The following RASIP1 variants were observed in gnomAD, a reference collection of about 807,000 sequenced individuals.
RASIP1 encodes ras-interacting protein 1.
RASIP1 carries 20 observed loss-of-function variants against 85.3 expected under a neutral mutation model. The ratio of observed to expected loss-of-function variants is 0.23; its 90% CI spans 0.17 to 0.34. The LOEUF (loss-of-function observed/expected upper bound fraction) is 0.34. Among genes scored for constraint, RASIP1 ranks in the 10% least tolerant of loss-of-function variants. The pLI is 1.00. For missense variants in RASIP1, 1,170 were observed against 1,390.9 expected (o/e 0.84, Z 2.53); for synonymous variants, 617 against 647.1 (o/e 0.95, Z 0.71).
At chr19:48,734,613 G>C (rs2033534924) in intron 4 of RASIP1, among the ~76,000 whole-genome samples, 1 of 151,588 alleles carries the variant, frequency 6.6e-6, no homozygotes, top group Non-Finnish European at 1.5e-5. Flanking sequence ...TCAGCCTCCT[G>C]AGTAGCTGGG....
chr19:48,730,463 G>A (rs2033435819), intron 4 of RASIP1, among the ~76,000 whole-genome samples: 1 of 152,022 alleles, frequency 6.6e-6, no homozygotes, highest in South Asian at 2.1e-4. Flanking sequence ...CACCCAGCCA[G>A]AGACCCATTT....
Position 48,720,915 on chromosome 19 carries a change from C to T in RASIP1, c.2775G>A (p.Val925=). 1 of 1,613,862 alleles carries T rather than the reference C, an allele frequency of 6.2e-7. No homozygotes were observed. Among genetic ancestry groups the T allele is most frequent in the Non-Finnish European group, 8.5e-7 (1 of 1,179,982 alleles). ...GTTCACGGTGCAAGGCATCGTCCGT[C>T]ACTGGACCAGTGAGGCGCAGGCGCG... ...GSSRLRLTGP[V]TDDALHRELR... Residue 925 remains valine, a synonymous_variant, in exon 12 of 12, where the codon GTG becomes GTA. Transcript: ENST00000222145.
At chr19:48,727,658 C>T (rs532111970) in intron 5 of RASIP1, among the ~76,000 whole-genome samples, 11 of 150,350 alleles carry the variant, frequency 7.3e-5, no homozygotes, top group South Asian at 2.1e-4. Context: ...CCACTGCAAC[C>T]GGCCTTCACT....
chr19:48,728,819 G>A, intron 5 of RASIP1, 118 bp downstream of exon 5: 1 of 1,104,676 alleles, frequency 9.1e-7, no homozygotes, highest in South Asian at 2.3e-5. Flanking sequence ...CCTTCCCGAG[G>A]CGTCATGGGA....
In RASIP1 at chr19:48,720,905, C is replaced by T. The variant is rs751121993; in HGVS notation, c.2785G>A (p.Ala929Thr). The change falls in exon 12 of 12, where the codon GCC (alanine) becomes ACC (threonine). Residue 929 changes from alanine to threonine, a missense_variant. Ala to Thr is a moderately conservative substitution (Grantham distance 58). Around this residue, in one of 4 missense-constraint regions of RASIP1, gnomAD observed 144 missense variants for 125.5 expected, o/e 1.15. Coordinates refer to ENST00000222145, the MANE Select transcript of RASIP1 (RefSeq NM_017805.3). The part of the protein sequence containing the change: ...LRLTGPVTDD[A>T]LHRELRRLRR... ...AGCCTACGGAGTTCACGGTGCAAGGCATCGTCCGTCACTGGACCAGTGAGG... is the reference window on the plus strand; with the variant it reads ...AGCCTACGGAGTTCACGGTGCAAGGTATCGTCCGTCACTGGACCAGTGAGG... The T allele has an allele frequency of 1.2e-6, 2 of 1,613,812 alleles. No homozygotes were observed. Among genetic ancestry groups the T allele is most frequent in the Non-Finnish European group, 8.5e-7 (1 of 1,180,010 alleles).
In RASIP1 at chr19:48,727,098, C is replaced by T; in HGVS notation, c.1932G>A (p.Arg644=). ...LTPEAVSVEL[R]PLMLWMANTT... is the part of the protein sequence containing the mutation. Reference sequence around the variant, plus strand: ...TGTTGGCCATCCACAGCATGAGTGGCCGCAGCTCCACAGACACAGCTTCAG... The same window carrying T: ...TGTTGGCCATCCACAGCATGAGTGGTCGCAGCTCCACAGACACAGCTTCAG... The change falls in exon 7 of 12, where the codon CGG becomes CGA. Residue 644 remains arginine, a synonymous_variant. Coordinates refer to ENST00000222145, the MANE Select transcript of RASIP1 (RefSeq NM_017805.3). 1 of 1,614,212 alleles carries T rather than the reference C, an allele frequency of 6.2e-7. No individual in the cohort carries two copies. The highest frequency in any genetic ancestry group is 8.5e-7 in the Non-Finnish European group (1 of 1,180,056).
At chr19:48,735,628 A>T in intron 3 of RASIP1, 77 bp from the exon 4 acceptor site, 2 of 1,365,014 alleles carry the variant, frequency 1.5e-6, no homozygotes. Context: ...TATGAGACAA[A>T]GAACTGGTTG....
chr19:48,726,998 A>T lies in RASIP1; in HGVS notation c.2023+9T>A, dbSNP rs536187732. On this transcript the variant is annotated intron_variant, in intron 7 of 11. Transcript: ENST00000222145. Reference sequence around the variant, plus strand: ...ACTTGGACAAGCCTGAGCCTGAGTCAGAGCTCACCCTCTTGGTCAGCCTCC... The same window carrying T: ...ACTTGGACAAGCCTGAGCCTGAGTCTGAGCTCACCCTCTTGGTCAGCCTCC... 2.0e-5 allele frequency: 33 copies of T among 1,614,112 alleles called. No individual in the cohort carries two copies. The South Asian group carries it at 3.5e-4, about 17-fold the overall frequency.
rs771728440 is a variant in RASIP1, at chr19:48,727,114, A to G, written c.1916T>C (p.Val639Ala). ...CATGAGTGGCCGCAGCTCCACAGACACAGCTTCAGGAGTCAGGGGCACCTC... is the reference window on the plus strand; with the variant it reads ...CATGAGTGGCCGCAGCTCCACAGACGCAGCTTCAGGAGTCAGGGGCACCTC... ...VPEVPLTPEA[V>A]SVELRPLMLW... The change falls in exon 7 of 12, where the codon GTG (valine) becomes GCG (alanine). Residue 639 changes from valine (V) to alanine (A), a missense_variant. Val to Ala is a moderately conservative substitution (Grantham distance 64). This residue lies in a region of RASIP1 where 426 missense variants were observed against 576.2 expected (regional missense o/e 0.74). Coordinates refer to ENST00000222145, the MANE Select transcript of RASIP1 (RefSeq NM_017805.3). 2.5e-6 allele frequency: 4 copies of G among 1,614,060 alleles called. No homozygotes were observed. The highest frequency in any genetic ancestry group is 2.2e-5 in the South Asian group (2 of 91,082).
At position 48,724,787 on chromosome 19, in the gene RASIP1, G is replaced by A. The variant is rs146800732; in HGVS notation, c.2301C>T (p.Leu767=). 1.1e-5 allele frequency: 18 copies of A among 1,614,082 alleles called. No individual in the cohort carries two copies. In the African/African-American group the frequency reaches 1.2e-4, roughly 11 times the overall value. Residue 767 remains leucine, a synonymous_variant, in exon 9 of 12, where the codon CTC becomes CTT. Coordinates refer to ENST00000222145, the MANE Select transcript of RASIP1 (RefSeq NM_017805.3). This position sits in a 1 kb window ranked among gnomAD's most constrained non-coding sequence, Gnocchi z 4.6. The part of the protein sequence containing the change: ...LTSQCELHPD[L]VSQTFGYLFF... ...ACAAGTAGCCAAAAGTCTGAGACACGAGGTCAGGGTGCAGCTCGCACTGGC... is the reference window on the plus strand; with the variant it reads ...ACAAGTAGCCAAAAGTCTGAGACACAAGGTCAGGGTGCAGCTCGCACTGGC...
chr19:48,729,594 G>C lies in RASIP1; in HGVS notation c.1180-4C>G. 1 of 1,585,106 alleles carries C rather than the reference G, an allele frequency of 6.3e-7. No homozygotes were observed. The highest frequency in any genetic ancestry group is 8.6e-7 in the Non-Finnish European group (1 of 1,165,902). On this transcript the variant is annotated splice_polypyrimidine_tract_variant and splice_region_variant and intron_variant, in intron 4 of 11. Transcript: ENST00000222145. ...TCATCACATACACCACAAAGTCCTG[G>C]AGGGGAAACGAGGATGCACTAAGGA...
chr19:48,721,068 G>C, intron 11 of RASIP1, 71 bp from the exon 12 acceptor site: 1 of 1,324,812 alleles, frequency 7.5e-7, no homozygotes, highest in South Asian at 1.4e-5. Flanking sequence ...GAAGAGCCGA[G>C]GCTGCGTCAC....
In RASIP1 at chr19:48,735,551, C is replaced by G. The variant is rs201718967; in HGVS notation, c.824G>C (p.Gly275Ala). The G allele has an allele frequency of 4.1e-4, 633 of 1,530,918 alleles. No homozygotes were observed. The African/African-American group carries it at 7.6e-3, about 18-fold the overall frequency. The allele number at this position is 1,530,918 out of a possible 1,614,324, so 94.8% of individuals were successfully genotyped here. The change falls in exon 4 of 12, where the codon GGC becomes GCC. Residue 275 changes from glycine (G) to alanine (A), a missense_variant and splice_region_variant. Physicochemically the swap from Gly to Ala is moderately conservative, Grantham distance 60. This residue lies in a region of RASIP1 where 301 missense variants were observed against 294.8 expected (regional missense o/e 1.02). Transcript: ENST00000222145. ...QEAFGAADSEGTGAPSWRPQK... is the reference protein window; with the variant it reads ...QEAFGAADSEATGAPSWRPQK... ...TGGCCGCCACGAAGGGGCGCCGGTG[C>G]CTGCGGAGAGATGGAGAACAGTGAG... is the stretch of plus-strand genomic sequence containing the variant.
In RASIP1 at chr19:48,735,487, C is replaced by A. The variant is rs2033553021; in HGVS notation, c.888G>T (p.Ala296=). The A allele has an allele frequency of 6.4e-7, 1 of 1,566,206 alleles. No individual in the cohort carries two copies. The highest frequency in any genetic ancestry group is 8.7e-7 in the Non-Finnish European group (1 of 1,155,744). The stretch of plus-strand genomic sequence containing the variant: ...CGGTCCCCGGGCCAGGACTGGCCAG[C>A]GCTGCCCCACCCGACGCCGCCCGGG... ...NRSRAASGGA[A]LASPGPGTGS... is the part of the protein sequence containing the mutation. The change falls in exon 4 of 12, where the codon GCG becomes GCT. Residue 296 remains alanine (A), a synonymous_variant. Coordinates refer to ENST00000222145, the MANE Select transcript of RASIP1 (RefSeq NM_017805.3).
chr19:48,725,196 A>G, intron 8 of RASIP1: 1 of 495,710 alleles, frequency 2.0e-6, no homozygotes, highest in Non-Finnish European at 3.6e-6. Flanking sequence ...TGTAGTTCTC[A>G]GCAGAGACAG....
chr19:48,724,615 G>A lies in RASIP1; in HGVS notation c.2371+102C>T, dbSNP rs1304893217. 6.3e-7 allele frequency: 1 copy of A among 1,575,228 alleles called. No individual in the cohort carries two copies. Among genetic ancestry groups the A allele is most frequent in the Non-Finnish European group, 8.6e-7 (1 of 1,156,520 alleles). ...CCTGGGATCTGGAGCTTGTTCTCCA[G>A]GGTACCCAAAGGTGAGGCTTGAGCC... On this transcript the variant is annotated intron_variant, in intron 9 of 11. Transcript: ENST00000222145. The surrounding 1 kb of genome is among the most constrained non-coding windows in gnomAD (Gnocchi z 4.6).
chr19:48,728,437 A>G (rs2033379571), intron 5 of RASIP1, among the ~76,000 whole-genome samples: 1 of 152,104 alleles, frequency 6.6e-6, no homozygotes, highest in Admixed American at 6.6e-5. Context: ...GTGGATCTAC[A>G]TCTCCCAGCA....
intron 10 of RASIP1, among the ~76,000 whole-genome samples, chr19:48,722,989 A>G (rs1300005459): frequency 6.6e-6 from 1 of 151,958 alleles, no homozygotes. Flanking sequence ...GGGCTCAAGC[A>G]GTCCTTCCAC....
At position 48,738,849 on chromosome 19, in the gene RASIP1, G is replaced by T; in HGVS notation, c.823+111C>A. 2 of 1,113,374 alleles carry T rather than the reference G, an allele frequency of 1.8e-6. No homozygotes were observed. Among genetic ancestry groups the T allele is most frequent in the Non-Finnish European group, 2.2e-6 (2 of 902,704 alleles). 69.0% of individuals were successfully genotyped at this position (1,113,374 alleles called of 1,614,324 possible). ...GTCCCCTCCCAGTCCCCTCCCGCGGGCCCCGCCCCCAGCCAGCCCGCGAGT... is the reference window on the plus strand; with the variant it reads ...GTCCCCTCCCAGTCCCCTCCCGCGGTCCCCGCCCCCAGCCAGCCCGCGAGT... On this transcript the variant is annotated intron_variant, in intron 3 of 11. Transcript: ENST00000222145. The surrounding 1 kb of genome is among the most constrained non-coding windows in gnomAD (Gnocchi z 4.0).
Sources: allele counts gnomAD v4.1 joint callset (sites outside exome capture counted in the v4.1 genomes callset), GRCh38; gene constraint gnomAD v4.1.1; regional missense constraint gnomAD v4.1.1; non-coding constraint Gnocchi (gnomAD v3.1); transcripts MANE v1.5; gene names NCBI Gene and HGNC (gene_info 2026-07-23, HGNC 2026-07-21).